The following ZNF423 variants were observed in gnomAD, a reference collection of about 807,000 sequenced individuals.
The protein encoded by ZNF423 is Ebf-associated zinc finger protein.
In ZNF423, 12 loss-of-function variants were observed where a neutral mutation model predicts 95.8. The ratio of observed to expected loss-of-function variants is 0.13; its 90% confidence interval spans 0.08 to 0.20. ZNF423 has a LOEUF of 0.20. ZNF423 is among the 10% of genes least tolerant of loss of function. The pLI is 1.00. For synonymous variants in ZNF423, 749 were observed against 711.9 expected, an observed-to-expected ratio of 1.05 and a Z score of -0.83; for missense variants, 1,316 against 1,737.1, an observed-to-expected ratio of 0.76 and a Z score of 4.31.
At chr16:49,706,986 G>GTTAAACACACACAT (rs1391956218) in intron 3 of ZNF423, among the ~76,000 whole-genome samples, 2 of 152,192 alleles carry the variant, frequency 1.3e-5, no homozygotes, top group Non-Finnish European at 2.9e-5. Flanking sequence ...AGAGGGATCT[G>GTTAAACACACACAT]TTAAACACAC....
At chr16:49,613,718 A>G (rs1051270568) in intron 5 of ZNF423, among the ~76,000 whole-genome samples, 1 of 152,174 alleles carries the variant, frequency 6.6e-6, no homozygotes, top group Admixed American at 6.5e-5. Flanking sequence ...AAACAAACAA[A>G]GCAATTCAAT....
intron 1 of ZNF423, among the ~76,000 whole-genome samples, chr16:49,842,293 GGAGGGGAGGGGAGGC>G (rs2035192541): frequency 2.4e-5 from 1 of 41,044 alleles, no homozygotes; most frequent in South Asian, 1.3e-3. Context: ...GGAGGGGAGG[GGAGGGGAGGGGAGGC>G]GAGGGAAGGG....
intron 4 of ZNF423, among the ~76,000 whole-genome samples, chr16:49,633,161 G>C: frequency 1.3e-5 from 2 of 152,356 alleles, no homozygotes; most frequent in South Asian, 2.1e-4. Flanking sequence ...CTGGGGGCTT[G>C]AGGCAAGCAA....
At chr16:49,710,202 C>T (rs959086346) in intron 3 of ZNF423, among the ~76,000 whole-genome samples, 14 of 152,130 alleles carry the variant, frequency 9.2e-5, no homozygotes, top group East Asian at 1.9e-4. Context: ...ATCTATAGTC[C>T]GAAGAGGTGA....
chr16:49,554,695 G>C (rs6500232), intron 5 of ZNF423, among the ~76,000 whole-genome samples: 1 of 151,674 alleles, frequency 6.6e-6, no homozygotes, highest in Non-Finnish European at 1.5e-5. Context: ...ATTATTTTCA[G>C]TTGGCTTTTC....
chr16:49,685,855 C>G (rs1235616684), intron 3 of ZNF423, among the ~76,000 whole-genome samples: 4 of 152,186 alleles, frequency 2.6e-5, no homozygotes, highest in Non-Finnish European at 5.9e-5. Flanking sequence ...CTGGTCCCAC[C>G]CGTACACACG....
chr16:49,528,381 G>A (rs1968701349), intron 5 of ZNF423, among the ~76,000 whole-genome samples: 1 of 152,038 alleles, frequency 6.6e-6, no homozygotes, highest in Non-Finnish European at 1.5e-5. Flanking sequence ...AGCCGTCCGG[G>A]GCCCAAACGG....
At chr16:49,774,335 G>T (rs1190595280) in intron 2 of ZNF423, among the ~76,000 whole-genome samples, 2 of 152,106 alleles carry the variant, frequency 1.3e-5, no homozygotes, top group Non-Finnish European at 2.9e-5. Context: ...ACTCCACAGG[G>T]CACCCGCCAG....
chr16:49,660,417 AAT>A (rs1319705148), intron 3 of ZNF423, among the ~76,000 whole-genome samples: 2 of 147,484 alleles, frequency 1.4e-5, no homozygotes, highest in African/African-American at 5.0e-5. Context: ...TGAATGAATG[AAT>A]AGTCTAATCA....
chr16:49,546,151 T>A (rs573780806), intron 5 of ZNF423, among the ~76,000 whole-genome samples: 1 of 152,166 alleles, frequency 6.6e-6, no homozygotes, highest in Non-Finnish European at 1.5e-5. Flanking sequence ...GCAAGACATC[T>A]TTTCACTAAG....
intron 3 of ZNF423, among the ~76,000 whole-genome samples, chr16:49,669,095 C>T (rs577248840): frequency 1.3e-5 from 2 of 151,990 alleles, no homozygotes; most frequent in South Asian, 2.1e-4. Flanking sequence ...TTTGGGAGGC[C>T]GAGGCAGGCA....
chr16:49,774,781 G>A (rs558303999), intron 2 of ZNF423, among the ~76,000 whole-genome samples: 1 of 152,262 alleles, frequency 6.6e-6, no homozygotes, highest in Admixed American at 6.5e-5. Context: ...ATGGTGTTCA[G>A]TTCAAAGGAG....
chr16:49,665,279 TCTCTGATGTGCCTACAACC>T (rs1318447277), intron 3 of ZNF423, among the ~76,000 whole-genome samples: 10 of 152,208 alleles, frequency 6.6e-5, no homozygotes, highest in African/African-American at 2.2e-4. Flanking sequence ...TCACAGGATG[TCTCTGATGTGCCTACAACC>T]CAGCAGGCAC....
At chr16:49,768,753 A>G (rs1467025058) in intron 2 of ZNF423, among the ~76,000 whole-genome samples, 1 of 147,940 alleles carries the variant, frequency 6.8e-6, no homozygotes, top group Non-Finnish European at 1.5e-5. Flanking sequence ...CAGTGGGTGC[A>G]TCTGTCCCAG....
intron 7 of ZNF423, among the ~76,000 whole-genome samples, chr16:49,519,248 T>C (rs775625061): frequency 1.3e-5 from 2 of 152,216 alleles, no homozygotes; most frequent in African/African-American, 2.4e-5. Flanking sequence ...TCATCATTCA[T>C]GTAGAGGTAT....
chr16:49,845,795 C>T (rs530383351), intron 1 of ZNF423, among the ~76,000 whole-genome samples: 4 of 152,162 alleles, frequency 2.6e-5, no homozygotes, highest in African/African-American at 9.6e-5. Flanking sequence ...TCACCTGCCT[C>T]GGTTTCTCAA....
intron 2 of ZNF423, among the ~76,000 whole-genome samples, chr16:49,733,411 T>C (rs763938633): frequency 6.6e-5 from 10 of 152,246 alleles, no homozygotes; most frequent in Non-Finnish European, 1.3e-4. Context: ...CTTTCTATAA[T>C]AGCTCATCTA....
intron 5 of ZNF423, among the ~76,000 whole-genome samples, chr16:49,618,173 G>A (rs990932614): frequency 6.6e-6 from 1 of 152,238 alleles, no homozygotes; most frequent in African/African-American, 2.4e-5. Context: ...TCCCTACCCT[G>A]AAACTAGCAA....
chr16:49,808,133 C>T (rs1411368959), intron 1 of ZNF423, among the ~76,000 whole-genome samples: 2 of 151,952 alleles, frequency 1.3e-5, no homozygotes, highest in Non-Finnish European at 2.9e-5. Flanking sequence ...TGCATCATAG[C>T]TAAGTGCAGC....
Sources: allele counts gnomAD v4.1 joint callset (sites outside exome capture counted in the v4.1 genomes callset), GRCh38; gene constraint gnomAD v4.1.1; transcripts MANE v1.5; gene names NCBI Gene and HGNC (gene_info 2026-07-23, HGNC 2026-07-21).